PRRC2C: variants seen among roughly 807,000 people sequenced by gnomAD.
PRRC2C encodes proline rich coiled-coil 2C.
A neutral mutation model predicts 317.2 loss-of-function variants in PRRC2C; 72 were observed. The ratio of observed to expected loss-of-function variants is 0.23; its 90% CI spans 0.19 to 0.28. The LOEUF (loss-of-function observed/expected upper bound fraction) is 0.28, where lower values mean the gene tolerates loss of function less well. Among genes scored for constraint, PRRC2C ranks in the 10% least tolerant of loss-of-function variants. The probability of loss-of-function intolerance (pLI) is 1.00; values close to 1 mark genes in which losing one functional copy is unlikely to be tolerated. For missense variants in PRRC2C, 3,074 were observed against 3,459.7 expected, an observed-to-expected ratio of 0.89 and a Z score of 2.80; for synonymous variants, 1,296 against 1,205.9, an observed-to-expected ratio of 1.07 and a Z score of -1.55.
At chr1:171,503,453 G>C (rs954395824) in intron 1 of PRRC2C, among the ~76,000 whole-genome samples, 1 of 151,988 alleles carries the variant, frequency 6.6e-6, no homozygotes, top group Non-Finnish European at 1.5e-5. Flanking sequence ...GAACCCGGGA[G>C]GCGGAGGTTG....
chr1:171,582,924 TTA>T (rs1230764412), intron 28 of PRRC2C, among the ~76,000 whole-genome samples: 1 of 152,176 alleles, frequency 6.6e-6, no homozygotes, highest in Non-Finnish European at 1.5e-5. Context: ...TTTTTGACTC[TTA>T]TAATAACATT....
At chr1:171,492,391 A>C (rs1187828121) in intron 1 of PRRC2C, among the ~76,000 whole-genome samples, 1 of 152,222 alleles carries the variant, frequency 6.6e-6, no homozygotes, top group African/African-American at 2.4e-5. Context: ...GAATGAAAGT[A>C]GGAGAAAGAA....
intron 1 of PRRC2C, among the ~76,000 whole-genome samples, chr1:171,493,479 TAA>T (rs1230380441): frequency 5.3e-5 from 8 of 151,952 alleles, no homozygotes; most frequent in Middle Eastern, 3.2e-3. Flanking sequence ...GGTGACAGAG[TAA>T]AACTGTTGAA....
Position 171,514,254 on chromosome 1 carries a change from GTGTGTGTA to G in PRRC2C, c.291-274_291-267del, listed in dbSNP as rs1275902021. Reference sequence around the variant, plus strand: ...TTGGTAACTGTGTTTAATTAAAAGTGTGTGTGTATGTGTGTGTGTGTGTGTGTGTGTGT... The same window carrying G: ...TTGGTAACTGTGTTTAATTAAAAGTGTGTGTGTGTGTGTGTGTGTGTGTGT... On this transcript the variant is annotated intron_variant, in intron 3 of 34. Transcript: ENST00000647382. 5.4e-4 allele frequency among the ~76,000 whole-genome samples: 63 copies of G among 116,214 alleles called. 1 individual carries two copies. The highest frequency in any genetic ancestry group is 2.3e-3 in the African/African-American group (57 of 24,418). 76.2% of individuals were successfully genotyped at this position (116,214 alleles called of 152,430 possible). A position where few individuals can be genotyped will look rare whatever the true frequency, so the allele number is the denominator to read the frequency against.
rs1557998288 is a variant in PRRC2C at position 171,557,739 on chromosome 1, C to T, written c.5627C>T (p.Pro1876Leu). The T allele has an allele frequency of 6.4e-7, 1 of 1,551,510 alleles. No homozygotes were observed. The highest frequency in any genetic ancestry group is 2.0e-5 in the Admixed American group (1 of 50,968). The change falls in exon 19 of 35, where the codon CCA (proline) becomes CTA (leucine). Residue 1876 changes from proline (P) to leucine (L), a missense_variant. Physicochemically the swap from Pro to Leu is moderately conservative, Grantham distance 98. Transcript: ENST00000647382. ...TCAGCCCTAGCATCAACTTCAGCTC[C>T]AACGCCAGCCCCAGCAGCCTCTTCC... is the stretch of plus-strand genomic sequence containing the variant. The part of the protein sequence containing the change: ...LASALASTSA[P>L]TPAPAASSPA...
At chr1:171,487,532 T>C (rs2207193) in intron 1 of PRRC2C, among the ~76,000 whole-genome samples, 122,819 of 152,062 alleles carry the variant, frequency 0.81, 49,728 homozygotes, top group Middle Eastern at 0.9. Context: ...AATTTTTTTG[T>C]GTCCTTTTCT....
chr1:171,568,406 T>G, intron 23 of PRRC2C, 67 bp downstream of exon 23: 2 of 1,533,048 alleles, frequency 1.3e-6, no homozygotes, highest in South Asian at 2.4e-5. Flanking sequence ...AAGCACATTA[T>G]TTCATGTTTT....
chr1:171,576,279 T>G (rs1246541401), intron 25 of PRRC2C, among the ~76,000 whole-genome samples: 1 of 152,162 alleles, frequency 6.6e-6, no homozygotes, highest in African/African-American at 2.4e-5. Context: ...TTCCTAGTTC[T>G]TTCTTTGGAA....
chr1:171,536,209 A>G lies in PRRC2C; in HGVS notation c.2224A>G (p.Met742Val). 3 of 1,613,562 alleles carry G rather than the reference A, an allele frequency of 1.9e-6. No individual in the cohort carries two copies. Among genetic ancestry groups the G allele is most frequent in the Middle Eastern group, 3.3e-4 (2 of 6,060 alleles). The change falls in exon 14 of 35, where the codon ATG becomes GTG. Residue 742 changes from methionine (M) to valine (V), a missense_variant. Physicochemically the swap from Met to Val is conservative, Grantham distance 21. Coordinates refer to ENST00000647382, the MANE Select transcript of PRRC2C (RefSeq NM_001387844.1). ...SMGFDPRWLMMQSYMDPRMMS... is the reference protein window; with the variant it reads ...SMGFDPRWLMVQSYMDPRMMS... ...GGGTTTTGATCCAAGGTGGCTCATG[A>G]TGCAGTCCTACATGGATCCTCGAAT...
intron 19 of PRRC2C, among the ~76,000 whole-genome samples, chr1:171,558,813 G>A (rs533711586): frequency 2.0e-5 from 3 of 152,270 alleles, no homozygotes; most frequent in East Asian, 1.9e-4. Context: ...AGTCACGTAC[G>A]TCTCACTTTA....
At chr1:171,494,782 C>T (rs182615455) in intron 1 of PRRC2C, among the ~76,000 whole-genome samples, 1 of 152,052 alleles carries the variant, frequency 6.6e-6, no homozygotes, top group African/African-American at 2.4e-5. Context: ...ACCCTGCCCC[C>T]CTCCCTCAAG....
chr1:171,506,250 A>G (rs1670187555), intron 1 of PRRC2C, among the ~76,000 whole-genome samples: 1 of 151,942 alleles, frequency 6.6e-6, no homozygotes, highest in African/African-American at 2.4e-5. Flanking sequence ...TTCTGTTTTT[A>G]TTTTTTCTTT....
intron 17 of PRRC2C, among the ~76,000 whole-genome samples, chr1:171,547,219 G>A (rs931840102): frequency 6.6e-6 from 1 of 152,214 alleles, no homozygotes; most frequent in Non-Finnish European, 1.5e-5. Flanking sequence ...TTAAGAGTTA[G>A]TCGTCTTTAG....
At chr1:171,535,070 T>G (rs1676567833) in intron 12 of PRRC2C, among the ~76,000 whole-genome samples, 1 of 152,172 alleles carries the variant, frequency 6.6e-6, no homozygotes, top group Admixed American at 6.5e-5. Flanking sequence ...CATGTAGATT[T>G]TAATGAACTA....
chr1:171,519,635 G>A (rs543348489), intron 6 of PRRC2C, among the ~76,000 whole-genome samples: 1 of 150,538 alleles, frequency 6.6e-6, no homozygotes, highest in African/African-American at 2.4e-5. Context: ...TCAGCCCAAT[G>A]TGAAGTTGTA....
At position 171,557,936 on chromosome 1, in the gene PRRC2C, G is replaced by C; in HGVS notation, c.5824G>C (p.Val1942Leu). 1 of 1,551,406 alleles carries C rather than the reference G, an allele frequency of 6.4e-7. No individual in the cohort carries two copies. Among genetic ancestry groups the C allele is most frequent in the South Asian group, 1.1e-5 (1 of 87,634 alleles). The change falls in exon 19 of 35, where the codon GTC becomes CTC. Residue 1942 changes from valine to leucine, a missense_variant. This residue lies in a region of PRRC2C where 640 missense variants were observed against 676.1 expected (regional missense o/e 0.95). Coordinates refer to ENST00000647382, the MANE Select transcript of PRRC2C (RefSeq NM_001387844.1). Reference protein sequence around the residue: ...AQTQAQTHKPVQNPLQTTSQS... With the variant: ...AQTQAQTHKPLQNPLQTTSQS... The stretch of plus-strand genomic sequence containing the variant: ...GACTCAGGCACAGACCCACAAACCA[G>C]TCCAGAATCCACTACAGACTACATC...
At chr1:171,505,534 C>T (rs1670015024) in intron 1 of PRRC2C, among the ~76,000 whole-genome samples, 1 of 151,268 alleles carries the variant, frequency 6.6e-6, no homozygotes, top group Admixed American at 6.6e-5. Context: ...TTACTTTATC[C>T]CTTCCAATTT....
Position 171,566,340 on chromosome 1 carries a change from G to C in PRRC2C, c.6225G>C (p.Ser2075=), listed in dbSNP as rs368894394. The part of the protein sequence containing the change: ...GNENEVVPVL[S]EKSADKIPEP... The stretch of plus-strand genomic sequence containing the variant: ...AAAATGAAGTTGTTCCTGTGCTTTC[G>C]GAAAAATCTGCTGACAAAATACCTG... Residue 2075 remains serine, a synonymous_variant, in exon 21 of 35, where the codon TCG becomes TCC. Coordinates refer to ENST00000647382, the MANE Select transcript of PRRC2C (RefSeq NM_001387844.1). 1 of 1,600,482 alleles carries C rather than the reference G, an allele frequency of 6.2e-7. No homozygotes were observed.
intron 26 of PRRC2C, among the ~76,000 whole-genome samples, chr1:171,577,950 C>CTTTTTTT (rs59582313): frequency 1.9e-5 from 2 of 103,752 alleles, no homozygotes; most frequent in African/African-American, 3.8e-5. Flanking sequence ...GCTAATTTTT[C>CTTTTTTT]TTTTTTTTTT....
Sources: gnomAD v4.1 joint callset for allele counts (sites outside exome capture counted in the v4.1 genomes callset) on GRCh38, gnomAD v4.1.1 for gene constraint, gnomAD v4.1.1 regional missense constraint, MANE v1.5 for transcripts, NCBI Gene and HGNC (gene_info 2026-07-23, HGNC 2026-07-21) for gene names.